NRCAM: variants seen among roughly 807,000 people sequenced by gnomAD.
NRCAM encodes NgCAM-related cell adhesion molecule.
Under a neutral mutation model 156.5 loss-of-function variants are expected in NRCAM, and 83 were observed. The ratio of observed to expected loss-of-function variants is 0.53; its 90% CI spans 0.44 to 0.64. The LOEUF is 0.64. Among genes scored for constraint, NRCAM ranks in the 30% least tolerant of loss-of-function variants. The probability of loss-of-function intolerance (pLI) is 0.00; values close to 1 mark genes in which losing one functional copy is unlikely to be tolerated. For synonymous variants in NRCAM, 538 were observed against 563.9 expected, an observed-to-expected ratio of 0.95 and a Z score of 0.65; for missense variants, 1,417 against 1,597.3, an observed-to-expected ratio of 0.89 and a Z score of 1.92.
At chr7:108,191,144 T>A in intron 19 of NRCAM, 110 bp downstream of exon 19, 1 of 862,632 alleles carries the variant, frequency 1.2e-6, no homozygotes, top group Non-Finnish European at 1.8e-6. Context: ...ACAGAGACCT[T>A]TTCCTTAAGA....
intron 32 of NRCAM, among the ~76,000 whole-genome samples, chr7:108,157,227 T>C (rs76520211): frequency 0.013 from 1,929 of 152,238 alleles, 35 homozygotes; most frequent in African/African-American, 0.043. Flanking sequence ...TTCGTGTCAA[T>C]TGGGTTTGCA....
At chr7:108,265,728 G>A (rs1433037636) in intron 3 of NRCAM, among the ~76,000 whole-genome samples, 1 of 152,188 alleles carries the variant, frequency 6.6e-6, no homozygotes, top group Non-Finnish European at 1.5e-5. Context: ...ACATATAATG[G>A]TTTGTTAATA....
chr7:108,245,831 C>A lies in NRCAM; in HGVS notation c.-106-5661G>T, dbSNP rs28573201. 3.2e-3 allele frequency among the ~76,000 whole-genome samples: 490 copies of A among 152,316 alleles called. 3 individuals are homozygous for A. Among genetic ancestry groups the A allele is most frequent in the African/African-American group, 0.011 (464 of 41,572 alleles). ...TCCAGTTATTTGCAACACACATGAT[C>A]ATCTGAATACAGGATTTTTCACATC... On this transcript the variant is annotated intron_variant, in intron 3 of 32. Coordinates refer to ENST00000379028, the MANE Select transcript of NRCAM (RefSeq NM_001037132.4).
rs953459614 is a variant in NRCAM, at chr7:108,402,555, G to T, written c.-331-2962C>A. Among the ~76,000 whole-genome samples the T allele has an allele frequency of 2.6e-5, 4 of 152,158 alleles. No homozygotes were observed. The East Asian group carries it at 7.7e-4, about 29-fold the overall frequency. On this transcript the variant is annotated intron_variant, in intron 1 of 32. Coordinates refer to ENST00000379028, the MANE Select transcript of NRCAM (RefSeq NM_001037132.4). The stretch of plus-strand genomic sequence containing the variant: ...TTGGGAGACAGAAGGAGCCTGGAAG[G>T]TCACTAAATCCAACCATCTATCTGC...
At chr7:108,368,222 A>T in intron 2 of NRCAM, among the ~76,000 whole-genome samples, 2 of 29,702 alleles carry the variant, frequency 6.7e-5, no homozygotes, top group Admixed American at 5.6e-4. Context: ...TCACACTTTC[A>T]TACCCCCCCC....
Position 108,403,495 on chromosome 7 carries a change from T to A in NRCAM, c.-331-3902A>T, listed in dbSNP as rs2154399027. Among the ~76,000 whole-genome samples, 2 of 152,362 alleles carry A rather than the reference T, an allele frequency of 1.3e-5. 1 individual carries two copies. Among genetic ancestry groups the A allele is most frequent in the African/African-American group, 4.8e-5 (2 of 41,592 alleles). ...GTTAGTAAATAAATTTATTTTAGTGTATGTCATTACTTAAAATTAATAATT... is the reference window on the plus strand; with the variant it reads ...GTTAGTAAATAAATTTATTTTAGTGAATGTCATTACTTAAAATTAATAATT... On this transcript the variant is annotated intron_variant, in intron 1 of 32. Transcript: ENST00000379028.
At chr7:108,192,498 G>A (rs535229213) in intron 17 of NRCAM, among the ~76,000 whole-genome samples, 31 of 152,188 alleles carry the variant, frequency 2.0e-4, no homozygotes, top group African/African-American at 7.5e-4. Flanking sequence ...CCCTGTCCGT[G>A]GAAAAACTGT....
intron 20 of NRCAM, among the ~76,000 whole-genome samples, chr7:108,188,144 T>C (rs1176625044): frequency 2.0e-5 from 3 of 152,122 alleles, no homozygotes; most frequent in African/African-American, 7.2e-5. Context: ...AGTATAGCTC[T>C]GGGATAGTCT....
chr7:108,409,401 T>C (rs972110873), intron 1 of NRCAM, among the ~76,000 whole-genome samples: 3 of 152,216 alleles, frequency 2.0e-5, no homozygotes, highest in Non-Finnish European at 2.9e-5. Flanking sequence ...GCCACACTTA[T>C]ACTAAAATCT....
At chr7:108,216,638 T>C (rs6964394) in intron 11 of NRCAM, among the ~76,000 whole-genome samples, 6,362 of 152,278 alleles carry the variant, frequency 0.042, 205 homozygotes, top group East Asian at 0.12. Flanking sequence ...TCTAATCTTG[T>C]CTTCACACTT....
At chr7:108,323,445 A>AC (rs2099026107) in intron 2 of NRCAM, among the ~76,000 whole-genome samples, 2 of 152,208 alleles carry the variant, frequency 1.3e-5, no homozygotes, top group Admixed American at 1.3e-4. Flanking sequence ...CCCAGGAAAC[A>AC]TGCCTATAAG....
chr7:108,218,178 G>GC (rs1180136036), intron 11 of NRCAM, among the ~76,000 whole-genome samples: 9 of 151,744 alleles, frequency 5.9e-5, no homozygotes, highest in Non-Finnish European at 1.2e-4. Context: ...TTGGCTGGGG[G>GC]GGGGGGGGAG....
In NRCAM at chr7:108,287,328, G is replaced by A. The variant is rs2098133781; in HGVS notation, c.-107+25337C>T. ...ACAACAAAAACAAAAATAGACAAAT[G>A]GAACTTAATTAAACTAAAAAGCTTC... On this transcript the variant is annotated intron_variant, in intron 3 of 32. Coordinates refer to ENST00000379028, the MANE Select transcript of NRCAM (RefSeq NM_001037132.4). Among the ~76,000 whole-genome samples, 3 of 151,976 alleles carry A rather than the reference G, an allele frequency of 2.0e-5. No homozygotes were observed. In the South Asian group the frequency reaches 6.3e-4, roughly 32 times the overall value.
intron 32 of NRCAM, among the ~76,000 whole-genome samples, chr7:108,151,655 A>T (rs934770540): frequency 6.6e-6 from 1 of 152,204 alleles, no homozygotes; most frequent in Non-Finnish European, 1.5e-5. Flanking sequence ...CTAATAAACA[A>T]CTGGAGAGGT....
At chr7:108,410,438 T>G (rs1794017583) in intron 1 of NRCAM, among the ~76,000 whole-genome samples, 1 of 152,192 alleles carries the variant, frequency 6.6e-6, no homozygotes, top group Non-Finnish European at 1.5e-5. Context: ...TTAAATTTGA[T>G]GGGTTTCTGG....
At chr7:108,210,819 G>A (rs1480602089) in intron 11 of NRCAM, among the ~76,000 whole-genome samples, 1 of 152,198 alleles carries the variant, frequency 6.6e-6, no homozygotes, top group Non-Finnish European at 1.5e-5. Flanking sequence ...GTGTTGGGAA[G>A]ATGATGAAGA....
At chr7:108,439,733 C>G (rs2154479596) in intron 1 of NRCAM, among the ~76,000 whole-genome samples, 1 of 147,112 alleles carries the variant, frequency 6.8e-6, no homozygotes, top group South Asian at 2.2e-4. Flanking sequence ...ACTAGGGAGG[C>G]TGAGGCAGGA....
intron 27 of NRCAM, 38 bp downstream of exon 27, chr7:108,176,392 G>A (rs1325578203): frequency 1.3e-6 from 2 of 1,556,002 alleles, no homozygotes. Flanking sequence ...ATTTCATGAT[G>A]CTTATAATTA....
At chr7:108,198,339 ATTT>A (rs1243883420) in intron 13 of NRCAM, among the ~76,000 whole-genome samples, 1 of 151,978 alleles carries the variant, frequency 6.6e-6, no homozygotes, top group African/African-American at 2.4e-5. Flanking sequence ...ACTAAGTATT[ATTT>A]ATTTTTATTT....
Sources: gnomAD v4.1 joint callset for allele counts (sites outside exome capture counted in the v4.1 genomes callset) on GRCh38, gnomAD v4.1.1 for gene constraint, MANE v1.5 for transcripts, NCBI Gene and HGNC (gene_info 2026-07-23, HGNC 2026-07-21) for gene names.